Variants in TAF1A observed in about 807,000 individuals in gnomAD.
TAF1A encodes TATA-box binding protein associated factor, RNA polymerase I subunit A.
In TAF1A, 42 loss-of-function variants were observed where a neutral mutation model predicts 61.6. That is an observed-to-expected ratio of 0.68 (90% CI 0.53 to 0.88). The LOEUF is 0.88. Among genes scored for constraint, TAF1A ranks in the 40% least tolerant of loss-of-function variants. TAF1A has a pLI of 0.00. For synonymous variants in TAF1A, 179 were observed against 177.7 expected (o/e 1.01, Z -0.06); for missense variants, 424 against 518.7 (o/e 0.82, Z 1.77).
In TAF1A at chr1:222,569,507, T is replaced by C; in HGVS notation, c.894+3A>G. ...GTCAAACATCGAGATAAAAATTCTA[T>C]ACCTTAAGCACACTTATCAATTTTG... On this transcript the variant is annotated splice_donor_region_variant and intron_variant, in intron 7 of 10. Transcript: ENST00000352967. The C allele has an allele frequency of 6.2e-7, 1 of 1,613,696 alleles. No homozygotes were observed. The highest frequency in any genetic ancestry group is 8.5e-7 in the Non-Finnish European group (1 of 1,179,838).
downstream of TAF1A, among the ~76,000 whole-genome samples, chr1:222,554,275 T>C (rs530456430): frequency 9.8e-5 from 15 of 152,346 alleles, no homozygotes; most frequent in African/African-American, 3.1e-4. Context: ...ACTATGGGAC[T>C]GACGGGCGGA....
chr1:222,562,466 G>C (rs1262750132), intron 9 of TAF1A, among the ~76,000 whole-genome samples: 1 of 152,100 alleles, frequency 6.6e-6, no homozygotes, highest in Admixed American at 6.6e-5. Flanking sequence ...GTCAACATAT[G>C]ACACCAAAAC....
chr1:222,579,453 G>A (rs1169398387), intron 4 of TAF1A, among the ~76,000 whole-genome samples: 1 of 152,160 alleles, frequency 6.6e-6, no homozygotes, highest in African/African-American at 2.4e-5. Context: ...CTAAGCTCAA[G>A]TGACTTCAGC....
In TAF1A at chr1:222,580,861, A is replaced by C. The variant is rs527602957; in HGVS notation, c.292-989T>G. On this transcript the variant is annotated intron_variant, in intron 3 of 10. Coordinates refer to ENST00000352967, the MANE Select transcript of TAF1A (RefSeq NM_005681.4). The stretch of plus-strand genomic sequence containing the variant: ...ATTACATGGGACACCAGTTAAAAAT[A>C]GGTATTCTGGGCCAGGCGCGGTGGC... Among the ~76,000 whole-genome samples the C allele has an allele frequency of 3.3e-5, 5 of 152,152 alleles. No individual in the cohort carries two copies. The East Asian group carries it at 7.7e-4, about 23-fold the overall frequency.
chr1:222,582,556 CAT>C (rs1660827043), intron 3 of TAF1A, among the ~76,000 whole-genome samples: 1 of 152,150 alleles, frequency 6.6e-6, no homozygotes, highest in Non-Finnish European at 1.5e-5. Context: ...AGAGGCTAAA[CAT>C]AGTGTTACCA....
intron 2 of TAF1A, among the ~76,000 whole-genome samples, chr1:222,588,183 A>G (rs780352469): frequency 1.7e-4 from 26 of 152,242 alleles, no homozygotes; most frequent in Non-Finnish European, 3.7e-4. Context: ...TGACTCCCCA[A>G]TATTTAATCA....
chr1:222,561,777 C>G (rs906570697), intron 9 of TAF1A, among the ~76,000 whole-genome samples: 2 of 152,164 alleles, frequency 1.3e-5, no homozygotes, highest in Non-Finnish European at 1.5e-5. Context: ...AGACTCGAAG[C>G]CAGAATCCTG....
chr1:222,584,198 G>A lies in TAF1A; in HGVS notation c.221C>T (p.Ala74Val), dbSNP rs758017504. ...ALLKHQWQQAAEYMYSYFQTL... is the reference protein window; with the variant it reads ...ALLKHQWQQAVEYMYSYFQTL... ...CTGAAAATAACTGTACATGTATTCTGCAGCTTGCTGCCATTGGTGCTTCAG... is the reference window on the plus strand; with the variant it reads ...CTGAAAATAACTGTACATGTATTCTACAGCTTGCTGCCATTGGTGCTTCAG... The change falls in exon 3 of 11, where the codon GCA becomes GTA. Residue 74 changes from alanine (A) to valine (V), a missense_variant. Ala to Val is a moderately conservative substitution (Grantham distance 64). Transcript: ENST00000352967. The A allele has an allele frequency of 1.1e-5, 17 of 1,613,092 alleles. No homozygotes were observed. Among genetic ancestry groups the A allele is most frequent in the Non-Finnish European group, 1.3e-5 (15 of 1,179,744 alleles).
chr1:222,577,269 G>A (rs1413837725), intron 5 of TAF1A, among the ~76,000 whole-genome samples, 176 bp downstream of exon 5: 1 of 152,144 alleles, frequency 6.6e-6, no homozygotes, highest in African/African-American at 2.4e-5. Context: ...TCTAATTTAT[G>A]ATTGAAGCTT....
chr1:222,587,602 T>C (rs1661064475), intron 2 of TAF1A, among the ~76,000 whole-genome samples: 1 of 152,110 alleles, frequency 6.6e-6, no homozygotes, highest in African/African-American at 2.4e-5. Flanking sequence ...ATACAGATAA[T>C]AGCTTCTTTT....
chr1:222,554,259 G>A (rs1659703606), downstream of TAF1A, among the ~76,000 whole-genome samples: 1 of 152,180 alleles, frequency 6.6e-6, no homozygotes, highest in Admixed American at 6.5e-5. Context: ...AACTGGCAGT[G>A]GTATCACTAT....
At chr1:222,582,149 G>T (rs1417238536) in intron 3 of TAF1A, among the ~76,000 whole-genome samples, 2 of 152,180 alleles carry the variant, frequency 1.3e-5, no homozygotes, top group Non-Finnish European at 2.9e-5. Context: ...AAGCATTCTG[G>T]TTTTCACATT....
At chr1:222,566,651 C>A (rs577605208) in intron 7 of TAF1A, among the ~76,000 whole-genome samples, 2 of 152,226 alleles carry the variant, frequency 1.3e-5, no homozygotes, top group African/African-American at 4.8e-5. Context: ...CTAATGCCAC[C>A]GCTGATCTGA....
At chr1:222,557,727 C>T (rs1041203592), downstream of TAF1A, among the ~76,000 whole-genome samples, 3 of 151,802 alleles carry the variant, frequency 2.0e-5, no homozygotes, top group South Asian at 6.2e-4. Flanking sequence ...CCAAAAAAGC[C>T]GAGCCCTTTA....
intron 7 of TAF1A, 172 bp downstream of exon 7, chr1:222,569,338 G>A (rs1660249447): frequency 6.5e-7 from 1 of 1,531,888 alleles, no homozygotes; most frequent in Non-Finnish European, 8.8e-7. Context: ...GGATAGTGTG[G>A]ATGATACATA....
At chr1:222,567,660 C>G (rs1172825408) in intron 7 of TAF1A, among the ~76,000 whole-genome samples, 1 of 152,152 alleles carries the variant, frequency 6.6e-6, no homozygotes, top group African/African-American at 2.4e-5. Flanking sequence ...TGTCAATTCT[C>G]TCAAACTGAT....
chr1:222,585,193 C>T (rs1660961483), intron 2 of TAF1A, among the ~76,000 whole-genome samples: 1 of 152,172 alleles, frequency 6.6e-6, no homozygotes, highest in South Asian at 2.1e-4. Context: ...CTCATCAAAA[C>T]TGCAGAACAA....
chr1:222,585,865 C>T (rs1660994673), intron 2 of TAF1A, among the ~76,000 whole-genome samples: 1 of 152,032 alleles, frequency 6.6e-6, no homozygotes, highest in South Asian at 2.1e-4. Context: ...CATTCCTGTG[C>T]TATTTGGACT....
At chr1:222,582,474 AGAAG>A (rs1217222609) in intron 3 of TAF1A, among the ~76,000 whole-genome samples, 6 of 152,254 alleles carry the variant, frequency 3.9e-5, no homozygotes, top group African/African-American at 1.4e-4. Flanking sequence ...TAGAGAAATT[AGAAG>A]CCTCAGATAT....
Sources: allele counts gnomAD v4.1 joint callset (sites outside exome capture counted in the v4.1 genomes callset), GRCh38; gene constraint gnomAD v4.1.1; transcripts MANE v1.5; gene names NCBI Gene and HGNC (gene_info 2026-07-23, HGNC 2026-07-21).